Variants in TNFRSF21 observed in about 807,000 individuals in gnomAD.
The protein encoded by TNFRSF21 is tumor necrosis factor receptor superfamily member 21.
TNFRSF21 carries 19 observed loss-of-function variants against 45.6 expected under a neutral mutation model. That is an observed-to-expected ratio of 0.42 (90% CI 0.29 to 0.61). The LOEUF (loss-of-function observed/expected upper bound fraction) is 0.61. Ranked by LOEUF, TNFRSF21 falls within the 20% of genes least tolerant of loss-of-function variation. TNFRSF21 has a pLI of 0.23. For missense variants in TNFRSF21, 737 were observed against 851.5 expected, an observed-to-expected ratio of 0.87 and a Z score of 1.67; for synonymous variants, 314 against 335.5, an observed-to-expected ratio of 0.94 and a Z score of 0.70.
intron 2 of TNFRSF21, among the ~76,000 whole-genome samples, chr6:47,284,828 T>C (rs971642343): frequency 5.9e-5 from 9 of 152,216 alleles, no homozygotes; most frequent in Admixed American, 5.9e-4. Flanking sequence ...CTCCCACCTT[T>C]TGACTATTTT....
At chr6:47,300,652 C>T (rs892092161) in intron 1 of TNFRSF21, among the ~76,000 whole-genome samples, 1 of 152,152 alleles carries the variant, frequency 6.6e-6, no homozygotes, top group African/African-American at 2.4e-5. Context: ...TCCCCATTCA[C>T]TGAGCAGCAA....
intron 3 of TNFRSF21, among the ~76,000 whole-genome samples, chr6:47,266,361 G>A (rs77100010): frequency 1.3e-5 from 2 of 152,292 alleles, no homozygotes; most frequent in East Asian, 3.9e-4. Context: ...TCTGAACTGG[G>A]CTGTTGTTGA....
At chr6:47,303,568 T>C (rs1471330526) in intron 1 of TNFRSF21, among the ~76,000 whole-genome samples, 2 of 152,198 alleles carry the variant, frequency 1.3e-5, no homozygotes, top group East Asian at 1.9e-4. Flanking sequence ...CTGATCTCAC[T>C]GAGATCACTA....
At chr6:47,284,522 C>G in intron 2 of TNFRSF21, 90 bp from the exon 3 acceptor site, 1 of 1,369,482 alleles carries the variant, frequency 7.3e-7, no homozygotes, top group African/African-American at 1.4e-5. Flanking sequence ...CCAAGCTAGG[C>G]CAGATAATCA....
intron 3 of TNFRSF21, among the ~76,000 whole-genome samples, chr6:47,273,857 G>C (rs1379806613): frequency 6.6e-6 from 1 of 152,120 alleles, no homozygotes; most frequent in Non-Finnish European, 1.5e-5. Flanking sequence ...AGACAAATGA[G>C]AGCCAAATCA....
intron 3 of TNFRSF21, among the ~76,000 whole-genome samples, chr6:47,269,226 A>AAC (rs557703110): frequency 2.7e-5 from 4 of 150,712 alleles, no homozygotes; most frequent in South Asian, 2.1e-4. Flanking sequence ...CACAGACACA[A>AAC]ACACACACAC....
rs192309605 is a variant in TNFRSF21 at position 47,248,830 on chromosome 6, C to T, written c.1509+4426G>A. 1.2e-3 allele frequency among the ~76,000 whole-genome samples: 189 copies of T among 152,318 alleles called. 3 individuals carry two copies. The highest frequency in any genetic ancestry group is 3.2e-4 in the Non-Finnish European group (22 of 68,026). ...TGTATGAGTTTTAGCTAGTTAGGAA[C>T]ATTCTTCCATCTCTCTTGCCTCCAG... On this transcript the variant is annotated intron_variant, in intron 4 of 5. Coordinates refer to ENST00000296861, the MANE Select transcript of TNFRSF21 (RefSeq NM_014452.5).
chr6:47,270,860 C>T (rs1218331161), intron 3 of TNFRSF21, among the ~76,000 whole-genome samples: 1 of 152,074 alleles, frequency 6.6e-6, no homozygotes, highest in Non-Finnish European at 1.5e-5. Flanking sequence ...ACGAGAACTT[C>T]GAGACACATG....
chr6:47,257,212 C>T (rs1176118446), intron 3 of TNFRSF21, among the ~76,000 whole-genome samples: 2 of 148,118 alleles, frequency 1.4e-5, no homozygotes, highest in East Asian at 3.9e-4. Flanking sequence ...TTTTAAGCCA[C>T]AAAATAAAGA....
intron 4 of TNFRSF21, among the ~76,000 whole-genome samples, chr6:47,243,136 C>T (rs1440992715): frequency 2.0e-5 from 3 of 152,082 alleles, no homozygotes; most frequent in Non-Finnish European, 4.4e-5. Context: ...AGATTCATGC[C>T]ATTAGAATTA....
intron 3 of TNFRSF21, among the ~76,000 whole-genome samples, chr6:47,271,176 A>G (rs781348324): frequency 2.6e-5 from 4 of 152,080 alleles, no homozygotes; most frequent in Non-Finnish European, 5.9e-5. Context: ...CCACAAAGAT[A>G]CTCCTCGAGA....
chr6:47,279,790 AC>A (rs199754369), intron 3 of TNFRSF21, among the ~76,000 whole-genome samples: 1,707 of 152,360 alleles, frequency 0.011, 15 homozygotes, highest in Middle Eastern at 0.037. Flanking sequence ...TTCTGAAGAT[AC>A]TTCCAATTCC....
intron 3 of TNFRSF21, among the ~76,000 whole-genome samples, chr6:47,277,154 T>G (rs1321911916): frequency 6.6e-6 from 1 of 152,110 alleles, no homozygotes; most frequent in East Asian, 1.9e-4. Context: ...CCACCACGCC[T>G]GGTTAATTTT....
intron 4 of TNFRSF21, among the ~76,000 whole-genome samples, chr6:47,246,587 G>T (rs944699170): frequency 4.6e-5 from 7 of 152,150 alleles, no homozygotes; most frequent in African/African-American, 1.7e-4. Flanking sequence ...GACATGAACT[G>T]GGATATTAAA....
chr6:47,306,112 A>C (rs1762936782), intron 1 of TNFRSF21, among the ~76,000 whole-genome samples: 1 of 152,226 alleles, frequency 6.6e-6, no homozygotes. Context: ...CTGGGTGTCG[A>C]GCAACAAGAA....
intron 5 of TNFRSF21, 44 bp downstream of exon 5, chr6:47,234,626 G>A: frequency 1.3e-6 from 2 of 1,486,476 alleles, no homozygotes; most frequent in Non-Finnish European, 1.8e-6. Flanking sequence ...GGGGCTCTTT[G>A]GGGGGTTTAA....
intron 1 of TNFRSF21, among the ~76,000 whole-genome samples, chr6:47,301,704 G>C (rs1302444264): frequency 6.6e-6 from 1 of 152,064 alleles, no homozygotes; most frequent in Non-Finnish European, 1.5e-5. Context: ...CTCACCATGT[G>C]ACACACCAGC....
chr6:47,266,236 C>T (rs1762331374), intron 3 of TNFRSF21, among the ~76,000 whole-genome samples: 1 of 152,124 alleles, frequency 6.6e-6, no homozygotes, highest in African/African-American at 2.4e-5. Flanking sequence ...TCACGACCCC[C>T]AATAAAGACA....
chr6:47,309,459 G>C lies in TNFRSF21; in HGVS notation c.53C>G (p.Ala18Gly), dbSNP rs760050575. The C allele has an allele frequency of 6.5e-7, 1 of 1,535,986 alleles. No individual in the cohort carries two copies. Among genetic ancestry groups the C allele is most frequent in the East Asian group, 2.6e-5 (1 of 38,106 alleles). Reference protein sequence around the residue: ...STALASCSRIARRATATMIAG... With the variant: ...STALASCSRIGRRATATMIAG... ...GATCATCGTGGCTGTGGCTCGGCGG[G>C]CGATGCGGCTGCAGGAGGCGAGGGC... The change falls in exon 1 of 6, where the codon GCC becomes GGC. Residue 18 changes from alanine (A) to glycine (G), a missense_variant. Ala to Gly is a moderately conservative substitution (Grantham distance 60). Transcript: ENST00000296861.
Sources: gnomAD v4.1 joint callset for allele counts (sites outside exome capture counted in the v4.1 genomes callset) on GRCh38, gnomAD v4.1.1 for gene constraint, MANE v1.5 for transcripts, NCBI Gene and HGNC (gene_info 2026-07-23, HGNC 2026-07-21) for gene names.